The following SLC5A3 variants were observed in gnomAD, a reference collection of about 807,000 sequenced individuals.
SLC5A3 encodes the protein sodium/myo-inositol cotransporter.
A neutral mutation model predicts 43.2 loss-of-function variants in SLC5A3; 10 were observed. The observed-to-expected ratio is 0.23, with a 90% CI of 0.14 to 0.39. SLC5A3 has a LOEUF of 0.39. SLC5A3 is among the 10% of genes least tolerant of loss of function. SLC5A3 has a pLI of 1.00. For synonymous variants in SLC5A3, 349 were observed against 322.0 expected, an observed-to-expected ratio of 1.08 and a Z score of -0.90; for missense variants, 608 against 893.4, an observed-to-expected ratio of 0.68 and a Z score of 4.07.
intron 1 of SLC5A3, among the ~76,000 whole-genome samples, chr21:34,083,793 A>G (rs1446480936): frequency 1.3e-5 from 2 of 152,170 alleles, no homozygotes; most frequent in Admixed American, 1.3e-4. Context: ...AGATTTTGCA[A>G]ATTTTGTGTG....
At position 34,099,433 on chromosome 21, in the gene SLC5A3, T is replaced by C; in HGVS notation, c.*2078T>C. 1 of 1,000,068 alleles carries C rather than the reference T, an allele frequency of 1.0e-6. No individual in the cohort carries two copies. Among genetic ancestry groups the C allele is most frequent in the Middle Eastern group, 5.2e-4 (1 of 1,916 alleles). 61.9% of individuals were successfully genotyped at this position (1,000,068 alleles called of 1,614,324 possible). On this transcript the variant is annotated 3_prime_UTR_variant, in exon 2 of 2. Coordinates refer to ENST00000381151, the MANE Select transcript of SLC5A3 (RefSeq NM_006933.7). Reference sequence around the variant, plus strand: ...AACTGTTCTTCCTTTGGGACAACCTTTTGGTGTTTGGGAAAGTAATAAGAT... The same window carrying C: ...AACTGTTCTTCCTTTGGGACAACCTCTTGGTGTTTGGGAAAGTAATAAGAT...
chr21:34,096,806 C>A lies in SLC5A3; in HGVS notation c.1608C>A (p.Pro536=). 1 of 1,614,034 alleles carries A rather than the reference C, an allele frequency of 6.2e-7. No individual in the cohort carries two copies. The highest frequency in any genetic ancestry group is 8.5e-7 in the Non-Finnish European group (1 of 1,179,960). ...TVIVSLLTPP[P]TKEQIRTTTF... Reference sequence around the variant, plus strand: ...TTGTGAGCCTTCTCACACCACCTCCCACAAAGGAACAGATTCGAACCACCA... The same window carrying A: ...TTGTGAGCCTTCTCACACCACCTCCAACAAAGGAACAGATTCGAACCACCA... Residue 536 remains proline (P), a synonymous_variant, in exon 2 of 2, where the codon CCC becomes CCA. Transcript: ENST00000381151. The surrounding 1 kb of genome is among the most constrained non-coding windows in gnomAD (Gnocchi z 5.9).
rs1339827616 is a variant in SLC5A3 at position 34,100,071 on chromosome 21, A to G, written c.*2716A>G. ...TGATGACATTGGTCTTTAGACATTA[A>G]CATGTGTATATTTTTATATTAGCTC... On this transcript the variant is annotated 3_prime_UTR_variant, in exon 2 of 2. Transcript: ENST00000381151. The G allele has an allele frequency of 1.0e-6, 1 of 996,832 alleles. No homozygotes were observed. The highest frequency in any genetic ancestry group is 1.2e-6 in the Non-Finnish European group (1 of 827,042). The allele number at this position is 996,832 out of a possible 1,614,324, so 61.7% of individuals were successfully genotyped here.
chr21:34,097,338 GT>G lies in SLC5A3; in HGVS notation c.2143del (p.Tyr715IlefsTer13). 1 of 1,604,400 alleles carries G rather than the reference GT, an allele frequency of 6.2e-7. No individual in the cohort carries two copies. The highest frequency in any genetic ancestry group is 8.5e-7 in the Non-Finnish European group (1 of 1,175,436). ...AVCSLGIFMF[V>X]YFSL ...GTGTTCACTTGGAATTTTCATGTTT[GT>G]TTATTTCTCCTTATGAACTTAAGGA... On this transcript the variant is annotated frameshift_variant, in exon 2 of 2. Transcript: ENST00000381151. LOFTEE classifies it high-confidence loss of function.
chr21:34,085,500 A>C (rs1226560623), intron 1 of SLC5A3, among the ~76,000 whole-genome samples: 1 of 152,126 alleles, frequency 6.6e-6, no homozygotes, highest in African/African-American at 2.4e-5. Flanking sequence ...CATTGGTTTT[A>C]GCATCTGTTG....
At position 34,100,958 on chromosome 21, in the gene SLC5A3, A is replaced by G. The variant is rs775812635; in HGVS notation, c.*3603A>G. 3 of 1,000,034 alleles carry G rather than the reference A, an allele frequency of 3.0e-6. No homozygotes were observed. Among genetic ancestry groups the G allele is most frequent in the Non-Finnish European group, 3.6e-6 (3 of 829,908 alleles). The allele number at this position is 1,000,034 out of a possible 1,614,324, so 61.9% of individuals were successfully genotyped here. A position where few individuals can be genotyped will look rare whatever the true frequency, so the allele number is the denominator to read the frequency against. ...AAGCTTACAGGGTTAACTTATGATG[A>G]TTCTCCTGGCTCATTTTCATCAGAG... On this transcript the variant is annotated 3_prime_UTR_variant, in exon 2 of 2. Transcript: ENST00000381151.
rs1404183723 is a variant in SLC5A3, at chr21:34,105,241, C to G, written c.*7886C>G. On this transcript the variant is annotated 3_prime_UTR_variant, in exon 2 of 2. Transcript: ENST00000381151. ...TTACCCGTTCTTTGCTTGGACATCCCATTTTCTTTTGTCCAGACCCATGTT... is the reference window on the plus strand; with the variant it reads ...TTACCCGTTCTTTGCTTGGACATCCGATTTTCTTTTGTCCAGACCCATGTT... 1 of 1,000,122 alleles carries G rather than the reference C, an allele frequency of 1.0e-6. No homozygotes were observed. 62.0% of individuals were successfully genotyped at this position (1,000,122 alleles called of 1,614,324 possible).
In SLC5A3 at chr21:34,103,471, T is replaced by C. The variant is rs1339983709; in HGVS notation, c.*6116T>C. On this transcript the variant is annotated 3_prime_UTR_variant, in exon 2 of 2. Coordinates refer to ENST00000381151, the MANE Select transcript of SLC5A3 (RefSeq NM_006933.7). ...TTAAAGTTACTTATGTTCTGTGATC[T>C]TAATTTTGTTGTGTTTCCATTGTAG... 1 of 998,816 alleles carries C rather than the reference T, an allele frequency of 1.0e-6. No individual in the cohort carries two copies. The highest frequency in any genetic ancestry group is 1.2e-6 in the Non-Finnish European group (1 of 828,784). The allele number at this position is 998,816 out of a possible 1,614,324, so 61.9% of individuals were successfully genotyped here.
At chr21:34,078,820 A>G (rs1300324405) in intron 1 of SLC5A3, among the ~76,000 whole-genome samples, 1 of 152,212 alleles carries the variant, frequency 6.6e-6, no homozygotes, top group Non-Finnish European at 1.5e-5. Flanking sequence ...AGTTGTTGCA[A>G]TTTGATTATC....
chr21:34,105,069 T>C lies in SLC5A3; in HGVS notation c.*7714T>C, dbSNP rs1979415829. 2 of 1,000,146 alleles carry C rather than the reference T, an allele frequency of 2.0e-6. No homozygotes were observed. Among genetic ancestry groups the C allele is most frequent in the Non-Finnish European group, 2.4e-6 (2 of 829,832 alleles). The allele number at this position is 1,000,146 out of a possible 1,614,324, so 62.0% of individuals were successfully genotyped here. On this transcript the variant is annotated 3_prime_UTR_variant, in exon 2 of 2. Transcript: ENST00000381151. ...TTGCTCATAGACTTTTCTGTGGGGTTATTAAAATGCAAAAGCTTTATTTTT... is the reference window on the plus strand; with the variant it reads ...TTGCTCATAGACTTTTCTGTGGGGTCATTAAAATGCAAAAGCTTTATTTTT...
intron 1 of SLC5A3, among the ~76,000 whole-genome samples, chr21:34,084,934 C>G (rs970832743): frequency 2.0e-5 from 3 of 151,896 alleles, no homozygotes; most frequent in Admixed American, 6.6e-5. Context: ...TTTTTTTAAT[C>G]TGCGTTATTT....
chr21:34,096,209 G>C lies in SLC5A3; in HGVS notation c.1011G>C (p.Met337Ile). 1 of 1,614,174 alleles carries C rather than the reference G, an allele frequency of 6.2e-7. No homozygotes were observed. The highest frequency in any genetic ancestry group is 8.5e-7 in the Non-Finnish European group (1 of 1,180,018). Residue 337 changes from methionine (M) to isoleucine (I), a missense_variant, in exon 2 of 2, where the codon ATG becomes ATC. Met to Ile is a conservative substitution (Grantham distance 10). This residue lies in a region of SLC5A3 where 398 missense variants were observed against 668.6 expected (regional missense o/e 0.60). Transcript: ENST00000381151. The surrounding 1 kb of genome is among the most constrained non-coding windows in gnomAD (Gnocchi z 5.9). ...CTTGCATCAACCCAGAGCACTGCAT[G>C]CTGGTGTGTGGAAGCAGAGCTGGTT... The part of the protein sequence containing the change: ...DIACINPEHC[M>I]LVCGSRAGCS...
chr21:34,088,429 T>G (rs548060973), intron 1 of SLC5A3, among the ~76,000 whole-genome samples: 1 of 152,328 alleles, frequency 6.6e-6, no homozygotes, highest in Non-Finnish European at 1.5e-5. Flanking sequence ...TCTCTGCATT[T>G]TATCCATACA....
rs969350681 is a variant in SLC5A3, at chr21:34,098,043, C to CGT, written c.*688_*689insGT. 1.0e-6 allele frequency: 1 copy of CGT among 998,818 alleles called. No individual in the cohort carries two copies. Among genetic ancestry groups the CGT allele is most frequent in the African/African-American group, 1.8e-5 (1 of 56,996 alleles). 61.9% of individuals were successfully genotyped at this position (998,818 alleles called of 1,614,324 possible). On this transcript the variant is annotated 3_prime_UTR_variant, in exon 2 of 2. Transcript: ENST00000381151. ...GTTTAAGTGAACCATACTGAAATGA[C>CGT]CAACAAGTCTGCCTGTAAAGTTACA...
chr21:34,104,045 G>A lies in SLC5A3; in HGVS notation c.*6690G>A, dbSNP rs1158838214. On this transcript the variant is annotated 3_prime_UTR_variant, in exon 2 of 2. Coordinates refer to ENST00000381151, the MANE Select transcript of SLC5A3 (RefSeq NM_006933.7). ...CAGTGCCCCCCCAAACATGCAGAAAGTCATACTTTAACAGGGCAAATACTA... is the reference window on the plus strand; with the variant it reads ...CAGTGCCCCCCCAAACATGCAGAAAATCATACTTTAACAGGGCAAATACTA... 2.0e-6 allele frequency: 2 copies of A among 999,974 alleles called. No homozygotes were observed. The highest frequency in any genetic ancestry group is 2.4e-6 in the Non-Finnish European group (2 of 829,920). 61.9% of individuals were successfully genotyped at this position (999,974 alleles called of 1,614,324 possible). A position where few individuals can be genotyped will look rare whatever the true frequency, so the allele number is the denominator to read the frequency against.
Position 34,097,481 on chromosome 21 carries a change from A to G in SLC5A3, c.*126A>G. 15 of 1,447,688 alleles carry G rather than the reference A, an allele frequency of 1.0e-5. No homozygotes were observed. Among genetic ancestry groups the G allele is most frequent in the South Asian group, 1.7e-5 (1 of 60,210 alleles). The allele number at this position is 1,447,688 out of a possible 1,614,324, so 89.7% of individuals were successfully genotyped here. On this transcript the variant is annotated 3_prime_UTR_variant, in exon 2 of 2. Transcript: ENST00000381151. Reference sequence around the variant, plus strand: ...AGGTTTTAGCCAAATTTTACTTAGCAGAAAATCATCTAATTACAAGACTTT... The same window carrying G: ...AGGTTTTAGCCAAATTTTACTTAGCGGAAAATCATCTAATTACAAGACTTT...
Position 34,097,100 on chromosome 21 carries a change from G to A in SLC5A3, c.1902G>A (p.Gly634=). 1 of 1,614,098 alleles carries A rather than the reference G, an allele frequency of 6.2e-7. No individual in the cohort carries two copies. Among genetic ancestry groups the A allele is most frequent in the Non-Finnish European group, 8.5e-7 (1 of 1,179,996 alleles). The change falls in exon 2 of 2, where the codon GGG becomes GGA. Residue 634 remains glycine, a synonymous_variant. Transcript: ENST00000381151. ...CACCAGTTGACGCTTACTCCAATGG[G>A]CAAGCAGCTCTCATGGGTGAGAAAG... ...AETPVDAYSN[G]QAALMGEKER...
intron 1 of SLC5A3, among the ~76,000 whole-genome samples, chr21:34,075,554 A>G (rs1989308429): frequency 6.6e-6 from 1 of 152,200 alleles, no homozygotes; most frequent in Non-Finnish European, 1.5e-5. Context: ...CAAAAAAAAG[A>G]AAAAAAGCCC....
chr21:34,093,078 T>A (rs886436196), intron 1 of SLC5A3, among the ~76,000 whole-genome samples: 4 of 152,226 alleles, frequency 2.6e-5, no homozygotes, highest in Non-Finnish European at 5.9e-5. Context: ...ACTAGTCATC[T>A]GATTAGATTT....
Sources: allele counts gnomAD v4.1 joint callset (sites outside exome capture counted in the v4.1 genomes callset), GRCh38; gene constraint gnomAD v4.1.1; regional missense constraint gnomAD v4.1.1; non-coding constraint Gnocchi (gnomAD v3.1); transcripts MANE v1.5; gene names NCBI Gene and HGNC (gene_info 2026-07-23, HGNC 2026-07-21).